The following LATS2 variants were observed in gnomAD, a reference collection of about 807,000 sequenced individuals.
LATS2 encodes large tumor suppressor kinase 2.
Under a neutral mutation model 76.0 loss-of-function variants are expected in LATS2, and 24 were observed. The ratio of observed to expected loss-of-function variants is 0.32; its 90% CI spans 0.23 to 0.44. The LOEUF is 0.44. Ranked by LOEUF, LATS2 falls within the 20% of genes least tolerant of loss-of-function variation. The pLI, the probability that LATS2 is intolerant of heterozygous loss-of-function variation, is 1.00. For missense variants in LATS2, 1,286 were observed against 1,481.2 expected (o/e 0.87, Z 2.16); for synonymous variants, 692 against 635.4 (o/e 1.09, Z -1.34).
rs2138286777 is a variant in LATS2 at position 20,988,340 on chromosome 13, A to G, written c.1440T>C (p.Ala480=). 3.3e-6 allele frequency: 3 copies of G among 907,694 alleles called. No homozygotes were observed. Among genetic ancestry groups the G allele is most frequent in the Non-Finnish European group, 4.6e-6 (3 of 658,062 alleles). The allele number at this position is 907,694 out of a possible 1,614,324, so 56.2% of individuals were successfully genotyped here. Residue 480 remains alanine, a synonymous_variant, in exon 4 of 8, where the codon GCT becomes GCC. Coordinates refer to ENST00000382592, the MANE Select transcript of LATS2 (RefSeq NM_014572.3). ...CCTCCTTGGCGTCCAAGCCCTCCGC[A>G]GCCGGGGCGGGGGCGGGGGCGGGGG... The part of the protein sequence containing the change: ...APAPAPAPAP[A]AEGLDAKEEH...
chr13:21,006,989 A>C (rs1871289085), intron 2 of LATS2, among the ~76,000 whole-genome samples: 2 of 152,114 alleles, frequency 1.3e-5, no homozygotes, highest in East Asian at 3.9e-4. Context: ...TTATAGGTTC[A>C]CCCAAGAAGG....
intron 1 of LATS2, among the ~76,000 whole-genome samples, chr13:21,055,642 G>A (rs961178202): frequency 6.6e-6 from 1 of 152,132 alleles, no homozygotes; most frequent in East Asian, 1.9e-4. Flanking sequence ...TTATCCTAGT[G>A]CTTCACAAAC....
At chr13:20,994,854 C>CAAAA (rs34133833) in intron 2 of LATS2, among the ~76,000 whole-genome samples, 31 of 144,472 alleles carry the variant, frequency 2.1e-4, no homozygotes, top group African/African-American at 5.1e-4. Flanking sequence ...GAATGTGTCT[C>CAAAA]AAAAAAAAAA....
chr13:20,981,655 C>T lies in LATS2; in HGVS notation c.2483-7G>A. On this transcript the variant is annotated splice_region_variant and splice_polypyrimidine_tract_variant and intron_variant, in intron 5 of 7. Transcript: ENST00000382592. ...TCCTGTCTGACATGGCTCCCTTCAC[C>T]CAGGAATCAGGGATAGTGAAAGAAA... 1 of 1,588,176 alleles carries T rather than the reference C, an allele frequency of 6.3e-7. No individual in the cohort carries two copies. The highest frequency in any genetic ancestry group is 8.6e-7 in the Non-Finnish European group (1 of 1,168,874).
At chr13:21,028,363 T>C (rs967672212) in intron 2 of LATS2, among the ~76,000 whole-genome samples, 11 of 152,176 alleles carry the variant, frequency 7.2e-5, no homozygotes, top group Non-Finnish European at 1.5e-4. Context: ...AAGTCTTTGC[T>C]ATTGTGAATA....
rs1872195132 is a variant in LATS2 at position 21,024,000 on chromosome 13, CA to C, written c.342+21684del. 4.1e-5 allele frequency among the ~76,000 whole-genome samples: 6 copies of C among 146,776 alleles called. No individual in the cohort carries two copies. The South Asian group carries it at 1.1e-3, about 26-fold the overall frequency. The stretch of plus-strand genomic sequence containing the variant: ...AGAAAAAACAAAACAAAACACAACT[CA>C]GGGGGCTTTGGAAAACAAGCAGGCA... On this transcript the variant is annotated intron_variant, in intron 2 of 7. Coordinates refer to ENST00000382592, the MANE Select transcript of LATS2 (RefSeq NM_014572.3).
rs71090554 is a variant in LATS2 at position 21,044,689 on chromosome 13, GGTGTGTGTGTGTGT to G, written c.342+982_342+995del. 3.0e-3 allele frequency among the ~76,000 whole-genome samples: 414 copies of G among 137,776 alleles called. 4 individuals carry two copies. Among genetic ancestry groups the G allele is most frequent in the East Asian group, 0.018 (86 of 4,672 alleles). The allele number at this position is 137,776 out of a possible 152,430, so 90.4% of individuals were successfully genotyped here. On this transcript the variant is annotated intron_variant, in intron 2 of 7. Transcript: ENST00000382592. Reference sequence around the variant, plus strand: ...TAAATGTATGGCTATGAGGTGTAGGGGTGTGTGTGTGTGTGTGTGTGTGTGTGTGTGTGTGTGTG... The same window carrying G: ...TAAATGTATGGCTATGAGGTGTAGGGGTGTGTGTGTGTGTGTGTGTGTGTG...
chr13:21,007,691 A>G (rs1175085620), intron 2 of LATS2, among the ~76,000 whole-genome samples: 1 of 1,152 alleles, frequency 8.7e-4, no homozygotes, highest in Non-Finnish European at 2.4e-3. Context: ...TAGTATATAT[A>G]TATATATAGT....
Position 20,983,587 on chromosome 13 carries a change from G to A in LATS2, c.2119C>T (p.Arg707Trp), listed in dbSNP as rs371745650. The A allele has an allele frequency of 2.3e-5, 37 of 1,613,964 alleles. No homozygotes were observed. Among genetic ancestry groups the A allele is most frequent in the South Asian group, 3.3e-5 (3 of 91,084 alleles). The change falls in exon 5 of 8, where the codon CGG (arginine) becomes TGG (tryptophan). Residue 707 changes from arginine to tryptophan, a missense_variant. Physicochemically the swap from Arg to Trp is moderately radical, Grantham distance 101 (BLOSUM62 -3). Transcript: ENST00000382592. ...KTLRKKDVLNRNQVAHVKAER... is the reference protein window; with the variant it reads ...KTLRKKDVLNWNQVAHVKAER... Reference sequence around the variant, plus strand: ...GCCTTGACGTGGGCCACCTGATTCCGGTTCAGGACATCCTTTTTCCTTAGG... The same window carrying A: ...GCCTTGACGTGGGCCACCTGATTCCAGTTCAGGACATCCTTTTTCCTTAGG...
intron 1 of LATS2, among the ~76,000 whole-genome samples, chr13:21,053,682 C>T (rs905773665): frequency 6.6e-6 from 1 of 152,142 alleles, no homozygotes; most frequent in Non-Finnish European, 1.5e-5. Flanking sequence ...ATGAAACGGG[C>T]CCAAGGGAGG....
chr13:21,029,710 G>T (rs1467861135), intron 2 of LATS2, among the ~76,000 whole-genome samples: 1 of 152,130 alleles, frequency 6.6e-6, no homozygotes, highest in Non-Finnish European at 1.5e-5. Context: ...AGAATCACTT[G>T]AACCCGGGAG....
chr13:20,976,659 T>C (rs1327347035), intron 7 of LATS2, among the ~76,000 whole-genome samples: 2 of 151,974 alleles, frequency 1.3e-5, no homozygotes, highest in African/African-American at 2.4e-5. Context: ...TCCAAAGATA[T>C]ACAAATGACC....
In LATS2 at chr13:20,988,788, A is replaced by C. The variant is rs898933660; in HGVS notation, c.992T>G (p.Leu331Arg). The C allele has an allele frequency of 6.9e-6, 11 of 1,593,524 alleles. No homozygotes were observed. Among genetic ancestry groups the C allele is most frequent in the Admixed American group, 5.1e-5 (3 of 59,180 alleles). Residue 331 changes from leucine (L) to arginine (R), a missense_variant, in exon 4 of 8, where the codon CTG becomes CGG. Leu to Arg is a moderately radical substitution (Grantham distance 102). Coordinates refer to ENST00000382592, the MANE Select transcript of LATS2 (RefSeq NM_014572.3). ...AGPAAHQLHV[L>R]GSRSQVFASD... is the part of the protein sequence containing the mutation. ...GGCGAACACCTGGCTGCGGGAGCCC[A>C]GCACATGCAGCTGGTGGGCCGCGGG... is the stretch of plus-strand genomic sequence containing the variant.
chr13:20,975,524 A>G (rs539101901), intron 7 of LATS2, among the ~76,000 whole-genome samples, 160 bp from the exon 8 acceptor site: 8 of 152,340 alleles, frequency 5.3e-5, no homozygotes, highest in African/African-American at 1.9e-4. Flanking sequence ...AGCCACAAAA[A>G]GTCAGTGTCA....
chr13:20,985,883 A>G (rs9552318), intron 4 of LATS2, among the ~76,000 whole-genome samples: 16 of 5,472 alleles, frequency 2.9e-3, no homozygotes, highest in African/African-American at 4.6e-3. Flanking sequence ...CTGTCTCTAC[A>G]AAAACATAAA....
chr13:20,993,035 CAAAAAAAAAAA>C lies in LATS2; in HGVS notation c.343-1642_343-1632del, dbSNP rs551359225. The stretch of plus-strand genomic sequence containing the variant: ...TGGCGACAAAGTGTGACTCCATCTC[CAAAAAAAAAAA>C]AAAAAAAAAAAAAAATGGGGGGGTG... On this transcript the variant is annotated intron_variant, in intron 2 of 7. Transcript: ENST00000382592. Among the ~76,000 whole-genome samples, 135 of 88,980 alleles carry C rather than the reference CAAAAAAAAAAA, an allele frequency of 1.5e-3. 1 individual carries two copies. Among genetic ancestry groups the C allele is most frequent in the African/African-American group, 6.1e-3 (117 of 19,226 alleles). 58.4% of individuals were successfully genotyped at this position (88,980 alleles called of 152,430 possible).
intron 2 of LATS2, among the ~76,000 whole-genome samples, chr13:21,011,853 C>T (rs1398241695): frequency 6.6e-6 from 1 of 152,216 alleles, no homozygotes; most frequent in Non-Finnish European, 1.5e-5. Flanking sequence ...CCCCTACACA[C>T]CTAGGCTAGA....
At chr13:21,057,879 C>T (rs1171620078) in intron 1 of LATS2, among the ~76,000 whole-genome samples, 1 of 152,176 alleles carries the variant, frequency 6.6e-6, no homozygotes, top group African/African-American at 2.4e-5. Flanking sequence ...GAACAGCTAA[C>T]AGTGAAATGA....
At chr13:20,996,571 G>A (rs1183152885) in intron 2 of LATS2, among the ~76,000 whole-genome samples, 2 of 152,028 alleles carry the variant, frequency 1.3e-5, no homozygotes, top group Non-Finnish European at 2.9e-5. Flanking sequence ...AGTAGAGGTG[G>A]CGTTTTGCCA....
Sources: allele counts gnomAD v4.1 joint callset (sites outside exome capture counted in the v4.1 genomes callset), GRCh38; gene constraint gnomAD v4.1.1; transcripts MANE v1.5; gene names NCBI Gene and HGNC (gene_info 2026-07-23, HGNC 2026-07-21).